The following FBXL5 variants were observed in gnomAD, a reference collection of about 807,000 sequenced individuals.
FBXL5 encodes F-box/LRR-repeat protein 5.
Under a neutral mutation model 78.3 loss-of-function variants are expected in FBXL5, and 26 were observed. That is an observed-to-expected ratio of 0.33 (90% CI 0.24 to 0.46). The LOEUF (loss-of-function observed/expected upper bound fraction) is 0.46, where lower values mean the gene tolerates loss of function less well. FBXL5 is among the 20% of genes least tolerant of loss of function. The pLI is 1.00. For synonymous variants in FBXL5, 295 were observed against 282.5 expected (o/e 1.04, Z -0.45); for missense variants, 710 against 829.2 (o/e 0.86, Z 1.77).
At chr4:15,636,319 T>C (rs576163313) in intron 5 of FBXL5, 175 bp downstream of exon 5, 2 of 474,674 alleles carry the variant, frequency 4.2e-6, no homozygotes, top group South Asian at 5.1e-5. Context: ...AATTTACCCA[T>C]GAATTTCATC....
intron 1 of FBXL5, among the ~76,000 whole-genome samples, chr4:15,647,259 AAAAAAT>A (rs1249815217): frequency 4.2e-4 from 13 of 31,192 alleles, no homozygotes; most frequent in Admixed American, 3.0e-3. Context: ...AAAATGTTGA[AAAAAAT>A]AAAAATAAAC....
At chr4:15,611,475 A>T (rs749631749) in intron 10 of FBXL5, among the ~76,000 whole-genome samples, 2 of 152,100 alleles carry the variant, frequency 1.3e-5, no homozygotes, top group African/African-American at 2.4e-5. Context: ...TTCTCCAGTT[A>T]TAAATACAGG....
chr4:15,608,793 A>G (rs1722051454), intron 10 of FBXL5, among the ~76,000 whole-genome samples: 1 of 152,110 alleles, frequency 6.6e-6, no homozygotes, highest in Non-Finnish European at 1.5e-5. Flanking sequence ...AAGGTAAATA[A>G]TAAGAGTAGT....
rs201827051 is a variant in FBXL5 at position 15,615,152 on chromosome 4, G to A, written c.1851-2738C>T. On this transcript the variant is annotated intron_variant, in intron 9 of 10. Coordinates refer to ENST00000341285, the MANE Select transcript of FBXL5 (RefSeq NM_012161.4). Reference sequence around the variant, plus strand: ...CACCGAGCCTTAGCTGCCTTCCTGCGGGGCAGGGCTCGGGACCTGCAGCCT... The same window carrying A: ...CACCGAGCCTTAGCTGCCTTCCTGCAGGGCAGGGCTCGGGACCTGCAGCCT... Among the ~76,000 whole-genome samples the A allele has an allele frequency of 6.8e-4, 103 of 152,234 alleles. 1 individual carries two copies. In the East Asian group the frequency reaches 0.018, roughly 26 times the overall value.
chr4:15,643,123 CCTT>C (rs1454470999), intron 2 of FBXL5, among the ~76,000 whole-genome samples: 7 of 152,262 alleles, frequency 4.6e-5, no homozygotes, highest in African/African-American at 1.4e-4. Context: ...AGTAAATCTC[CCTT>C]CTATTAATAT....
At chr4:15,662,076 A>T (rs550232852), upstream of FBXL5, among the ~76,000 whole-genome samples, 1 of 152,356 alleles carries the variant, frequency 6.6e-6, no homozygotes, top group Non-Finnish European at 1.5e-5. Context: ...ACATAATCTC[A>T]GAAGAGACAT....
intron 1 of FBXL5, among the ~76,000 whole-genome samples, chr4:15,674,419 C>A (rs1717889063): frequency 6.6e-6 from 1 of 152,068 alleles, no homozygotes; most frequent in Non-Finnish European, 1.5e-5. Flanking sequence ...CTTATGAATA[C>A]ATAGCACACT....
chr4:15,674,535 C>CT (rs34733356), intron 1 of FBXL5, among the ~76,000 whole-genome samples: 1 of 152,038 alleles, frequency 6.6e-6, no homozygotes. Flanking sequence ...GTAATCATAA[C>CT]TTTTTTCCTT....
chr4:15,632,918 C>T (rs1713833146), intron 5 of FBXL5, among the ~76,000 whole-genome samples: 1 of 152,050 alleles, frequency 6.6e-6, no homozygotes, highest in Non-Finnish European at 1.5e-5. Flanking sequence ...GCCTGATTGC[C>T]CTGGCCAGAA....
intron 9 of FBXL5, among the ~76,000 whole-genome samples, chr4:15,620,833 T>C (rs754574039): frequency 7.2e-5 from 11 of 152,236 alleles, no homozygotes; most frequent in Non-Finnish European, 1.5e-4. Flanking sequence ...CCACAAACAA[T>C]TGCATGAGCG....
At chr4:15,620,388 C>G (rs946208342) in intron 9 of FBXL5, among the ~76,000 whole-genome samples, 2 of 151,792 alleles carry the variant, frequency 1.3e-5, no homozygotes, top group African/African-American at 4.8e-5. Flanking sequence ...CAATCCCTAT[C>G]AAAATCTCAA....
intron 1 of FBXL5, among the ~76,000 whole-genome samples, chr4:15,650,596 C>T (rs1214191795): frequency 2.7e-5 from 4 of 150,848 alleles, no homozygotes; most frequent in South Asian, 2.1e-4. Context: ...TATAAAAGGA[C>T]GCACATAATT....
chr4:15,611,126 A>T (rs535769603), intron 10 of FBXL5, among the ~76,000 whole-genome samples: 25 of 151,988 alleles, frequency 1.6e-4, no homozygotes, highest in Non-Finnish European at 3.2e-4. Flanking sequence ...GATTATACAC[A>T]GAAGGCAACA....
At chr4:15,614,591 G>A (rs1280059650) in intron 9 of FBXL5, among the ~76,000 whole-genome samples, 1 of 152,156 alleles carries the variant, frequency 6.6e-6, no homozygotes, top group Non-Finnish European at 1.5e-5. Context: ...TTAGGTGAGG[G>A]CAGGGTTATT....
rs565408921 is a variant in FBXL5, at chr4:15,677,063, G to A, written c.-284+4320C>T. ...AAAAGAGGTTTATTTCGGATATACC[G>A]CTAGATAGCGTTAAAACTATAATAA... On this transcript the variant is annotated intron_variant, in intron 1 of 4. Transcript: ENST00000507899. 7.9e-4 allele frequency among the ~76,000 whole-genome samples: 120 copies of A among 152,226 alleles called. No homozygotes were observed. In the Middle Eastern group the frequency reaches 0.02, roughly 26 times the overall value.
At chr4:15,616,087 C>T (rs796548060) in intron 9 of FBXL5, among the ~76,000 whole-genome samples, 1 of 152,056 alleles carries the variant, frequency 6.6e-6, no homozygotes, top group South Asian at 2.1e-4. Flanking sequence ...TAACACTCAC[C>T]GCGAAGGTCT....
intron 5 of FBXL5, among the ~76,000 whole-genome samples, chr4:15,635,866 T>C (rs1401099468): frequency 1.3e-5 from 2 of 152,068 alleles, no homozygotes; most frequent in Non-Finnish European, 2.9e-5. Context: ...CATTATATGT[T>C]GATGAAAAGA....
At chr4:15,663,217 T>C (rs1453034976), upstream of FBXL5, among the ~76,000 whole-genome samples, 1 of 152,222 alleles carries the variant, frequency 6.6e-6, no homozygotes, top group Non-Finnish European at 1.5e-5. Context: ...GGTAATATTA[T>C]ACATTGATAA....
At chr4:15,673,092 G>A (rs933809959) in intron 1 of FBXL5, among the ~76,000 whole-genome samples, 5 of 152,130 alleles carry the variant, frequency 3.3e-5, no homozygotes, top group Non-Finnish European at 7.4e-5. Flanking sequence ...GGATCTGTCT[G>A]AAGTTGTTTT....
Sources: gnomAD v4.1 joint callset for allele counts (sites outside exome capture counted in the v4.1 genomes callset) on GRCh38, gnomAD v4.1.1 for gene constraint, MANE v1.5 for transcripts, NCBI Gene and HGNC (gene_info 2026-07-23, HGNC 2026-07-21) for gene names.